CDC42SE2: variants seen among roughly 807,000 people sequenced by gnomAD.
The protein encoded by CDC42SE2 is CDC42 small effector protein 2.
A neutral mutation model predicts 11.5 loss-of-function variants in CDC42SE2; 3 were observed. That is an observed-to-expected ratio of 0.26 (90% confidence interval 0.12 to 0.67). CDC42SE2 has a LOEUF of 0.67. Ranked by LOEUF, CDC42SE2 falls within the 30% of genes least tolerant of loss-of-function variation. The probability of loss-of-function intolerance (pLI) is 0.80; values close to 1 mark genes in which losing one functional copy is unlikely to be tolerated. For synonymous variants in CDC42SE2, 33 were observed against 34.8 expected (o/e 0.95, Z 0.18); for missense variants, 82 against 106.8 (o/e 0.77, Z 1.02).
intron 2 of CDC42SE2, among the ~76,000 whole-genome samples, chr5:131,333,174 C>T (rs1758463899): frequency 6.6e-6 from 1 of 152,150 alleles, no homozygotes; most frequent in Non-Finnish European, 1.5e-5. Context: ...TCAGTTTCAG[C>T]TTTCTACGTA....
chr5:131,324,186 T>G (rs572203477), intron 2 of CDC42SE2, among the ~76,000 whole-genome samples: 115 of 152,324 alleles, frequency 7.5e-4, no homozygotes, highest in South Asian at 6.4e-3. Context: ...CACATCACTG[T>G]ATGAATATCC....
chr5:131,277,373 CTG>C (rs1757125488), intron 1 of CDC42SE2, among the ~76,000 whole-genome samples: 1 of 152,136 alleles, frequency 6.6e-6, no homozygotes, highest in Admixed American at 6.6e-5. Context: ...ATTGAGAAAA[CTG>C]AATACAATTA....
At chr5:131,283,365 C>T (rs918891636) in intron 1 of CDC42SE2, among the ~76,000 whole-genome samples, 1 of 152,208 alleles carries the variant, frequency 6.6e-6, no homozygotes, top group African/African-American at 2.4e-5. Flanking sequence ...CATATTTTCT[C>T]TTTCTAGATT....
intron 1 of CDC42SE2, among the ~76,000 whole-genome samples, chr5:131,300,254 G>A (rs1005347200): frequency 2.0e-5 from 3 of 152,116 alleles, no homozygotes; most frequent in African/African-American, 7.2e-5. Context: ...TGGACTTGCA[G>A]CATTGAGGTT....
chr5:131,319,771 G>T (rs1758122098), intron 2 of CDC42SE2, among the ~76,000 whole-genome samples: 2 of 152,078 alleles, frequency 1.3e-5, no homozygotes, highest in South Asian at 2.1e-4. Flanking sequence ...GAGCATTTAG[G>T]CCAGGCACGG....
intron 2 of CDC42SE2, among the ~76,000 whole-genome samples, chr5:131,352,331 A>G (rs2149764215): frequency 6.6e-6 from 1 of 152,338 alleles, no homozygotes; most frequent in South Asian, 2.1e-4. Flanking sequence ...AGATTGTATA[A>G]TATCCATATA....
At chr5:131,293,519 T>TG (rs921086284) in intron 1 of CDC42SE2, among the ~76,000 whole-genome samples, 1 of 139,616 alleles carries the variant, frequency 7.2e-6, no homozygotes, top group African/African-American at 2.7e-5. Flanking sequence ...TTGCAGTGAG[T>TG]GGAGATCAGG....
upstream of CDC42SE2, among the ~76,000 whole-genome samples, chr5:131,263,270 A>G (rs1189463030): frequency 6.6e-6 from 1 of 152,172 alleles, no homozygotes; most frequent in African/African-American, 2.4e-5. Flanking sequence ...AATCCTCGCC[A>G]TCAACCTAGA....
chr5:131,321,364 A>G (rs1322293919), intron 2 of CDC42SE2, among the ~76,000 whole-genome samples: 1 of 152,164 alleles, frequency 6.6e-6, no homozygotes, highest in African/African-American at 2.4e-5. Context: ...CAGTTTTTTA[A>G]AAGTTACTGA....
intron 1 of CDC42SE2, among the ~76,000 whole-genome samples, chr5:131,247,400 C>T (rs1756604191): frequency 6.6e-6 from 1 of 152,102 alleles, no homozygotes; most frequent in Middle Eastern, 3.4e-3. Flanking sequence ...GAGTGGATCA[C>T]GAGGTCAGGA....
chr5:131,223,815 T>C, the CDC42SE2 span, among the ~76,000 whole-genome samples: 1 of 152,224 alleles, frequency 6.6e-6, no homozygotes, highest in Non-Finnish European at 1.5e-5. Flanking sequence ...TCCTCAACTT[T>C]TCCTTTACCA....
At chr5:131,388,525 T>C (rs1309694340) in intron 4 of CDC42SE2, among the ~76,000 whole-genome samples, 1 of 152,230 alleles carries the variant, frequency 6.6e-6, no homozygotes, top group Admixed American at 6.5e-5. Flanking sequence ...ACTTGTAATT[T>C]CTTTTTTCTT....
chr5:131,365,441 G>C (rs1472549783), intron 3 of CDC42SE2, among the ~76,000 whole-genome samples: 1 of 152,188 alleles, frequency 6.6e-6, no homozygotes, highest in African/African-American at 2.4e-5. Flanking sequence ...GGTCAAATAT[G>C]ATGGATCTCC....
At chr5:131,236,289 T>G in the CDC42SE2 span, among the ~76,000 whole-genome samples, 22 of 152,192 alleles carry the variant, frequency 1.4e-4, no homozygotes, top group Non-Finnish European at 2.9e-4. Flanking sequence ...CCTTCATCAC[T>G]TCACGATTTT....
rs1758652340 is a variant in CDC42SE2, at chr5:131,339,274, A to G, written c.-285-19935A>G. Among the ~76,000 whole-genome samples the G allele has an allele frequency of 2.7e-5, 4 of 145,944 alleles. No individual in the cohort carries two copies. The South Asian group carries it at 8.7e-4, about 32-fold the overall frequency. ...AAAAAAAAAAAAAAAAAAAAAAAAG[A>G]ATGCTTTTTCAAACAGAGAGACCTG... On this transcript the variant is annotated intron_variant, in intron 2 of 4. Transcript: ENST00000505065.
chr5:131,248,725 A>G (rs922660304), intron 1 of CDC42SE2, among the ~76,000 whole-genome samples: 1 of 152,232 alleles, frequency 6.6e-6, no homozygotes, highest in Non-Finnish European at 1.5e-5. Flanking sequence ...GAGAATATCA[A>G]CTATCTAGGA....
intron 3 of CDC42SE2, 84 bp downstream of exon 3, chr5:131,359,631 C>T (rs1468850694): frequency 5.2e-6 from 5 of 953,174 alleles, no homozygotes; most frequent in Non-Finnish European, 1.7e-6. Flanking sequence ...GGGATCCTAG[C>T]AGTAATTGCA....
chr5:131,278,713 TCCCCTCCCCTCCCCCCTCCCCTC>T (rs1561569796), intron 1 of CDC42SE2, among the ~76,000 whole-genome samples: 1 of 32,184 alleles, frequency 3.1e-5, no homozygotes, highest in African/African-American at 1.4e-4. Context: ...TCCTTTCCTC[TCCCCTCCCCTCCCCCCTCCCCTC>T]CCCTCCCCCT....
At chr5:131,287,528 T>A (rs1757366260) in intron 1 of CDC42SE2, among the ~76,000 whole-genome samples, 1 of 151,852 alleles carries the variant, frequency 6.6e-6, no homozygotes, top group African/African-American at 2.4e-5. Context: ...AGTGGCACGA[T>A]CATGTCTCAC....
Sources: gnomAD v4.1 joint callset for allele counts (sites outside exome capture counted in the v4.1 genomes callset) on GRCh38, gnomAD v4.1.1 for gene constraint, MANE v1.5 for transcripts, NCBI Gene and HGNC (gene_info 2026-07-23, HGNC 2026-07-21) for gene names.